RBFOX1: variants seen among roughly 807,000 people sequenced by gnomAD.
The protein encoded by RBFOX1 is RNA binding protein fox-1 homolog 1.
In RBFOX1, 8 loss-of-function variants were observed where a neutral mutation model predicts 57.7. The ratio of observed to expected loss-of-function variants is 0.14; its 90% CI spans 0.08 to 0.25. RBFOX1 has a LOEUF of 0.25. Among genes scored for constraint, RBFOX1 ranks in the 10% least tolerant of loss-of-function variants. The pLI, the probability that RBFOX1 is intolerant of heterozygous loss-of-function variation, is 1.00. For synonymous variants in RBFOX1, 326 were observed against 222.4 expected, an observed-to-expected ratio of 1.47 and a Z score of -4.15; for missense variants, 611 against 548.5, an observed-to-expected ratio of 1.11 and a Z score of -1.14.
At chr16:5,858,331 C>A (rs2057123287) in intron 3 of RBFOX1, among the ~76,000 whole-genome samples, 1 of 152,156 alleles carries the variant, frequency 6.6e-6, no homozygotes, top group East Asian at 1.9e-4. Context: ...TTGCAATCTC[C>A]CCGTGTTTTC....
chr16:6,581,122 G>A (rs2097531525), intron 2 of RBFOX1, among the ~76,000 whole-genome samples: 1 of 151,932 alleles, frequency 6.6e-6, no homozygotes, highest in Non-Finnish European at 1.5e-5. Flanking sequence ...TACTCTAAGT[G>A]CCAGGTAGGT....
chr16:6,325,233 C>T (rs1167416887), intron 2 of RBFOX1, among the ~76,000 whole-genome samples: 2 of 152,058 alleles, frequency 1.3e-5, no homozygotes, highest in African/African-American at 4.8e-5. Context: ...GTGGTGTGCA[C>T]CTATGGTCCT....
chr16:6,489,081 C>T (rs1188426672), intron 2 of RBFOX1, among the ~76,000 whole-genome samples: 1 of 152,114 alleles, frequency 6.6e-6, no homozygotes, highest in Non-Finnish European at 1.5e-5. Flanking sequence ...ATAAATATGG[C>T]ATGGGTCGTT....
At chr16:7,005,391 T>TC (rs2093208974) in intron 3 of RBFOX1, among the ~76,000 whole-genome samples, 1 of 151,978 alleles carries the variant, frequency 6.6e-6, no homozygotes, top group Admixed American at 6.6e-5. Flanking sequence ...CAAGGAAACA[T>TC]CCCAATACAG....
At chr16:5,302,887 A>C (rs971993676) in intron 1 of RBFOX1, among the ~76,000 whole-genome samples, 2 of 152,240 alleles carry the variant, frequency 1.3e-5, no homozygotes, top group Non-Finnish European at 2.9e-5. Flanking sequence ...TTAATTTGTC[A>C]ATCTGTGCTT....
chr16:6,566,162 C>G (rs2097262982), intron 2 of RBFOX1, among the ~76,000 whole-genome samples: 1 of 152,134 alleles, frequency 6.6e-6, no homozygotes, highest in African/African-American at 2.4e-5. Context: ...TGCCTAAGTC[C>G]AAGTAGGCAA....
intron 3 of RBFOX1, among the ~76,000 whole-genome samples, chr16:6,914,117 C>G (rs992750345): frequency 1.3e-5 from 2 of 152,120 alleles, no homozygotes; most frequent in Admixed American, 1.3e-4. Context: ...GGAATGATAC[C>G]TCTGCATGCT....
At chr16:6,120,947 T>G (rs943671799) in intron 1 of RBFOX1, among the ~76,000 whole-genome samples, 1 of 152,232 alleles carries the variant, frequency 6.6e-6, no homozygotes, top group Non-Finnish European at 1.5e-5. Context: ...TGAAACAGCT[T>G]GTTCTTCCTG....
At chr16:7,567,471 ATCCC>A (rs2092093671) in intron 5 of RBFOX1, among the ~76,000 whole-genome samples, 2 of 54,506 alleles carry the variant, frequency 3.7e-5, no homozygotes, top group African/African-American at 7.1e-5. Context: ...CTATATATAT[ATCCC>A]TATGTATGGC....
At chr16:7,172,593 A>C (rs2178714) in intron 4 of RBFOX1, among the ~76,000 whole-genome samples, 105,620 of 151,862 alleles carry the variant, frequency 0.7, 37,880 homozygotes, top group Non-Finnish European at 0.79. Flanking sequence ...TTTCCTTCAT[A>C]TTGGAGAAAA....
chr16:5,245,637 G>T (rs936512210), intron 1 of RBFOX1, among the ~76,000 whole-genome samples: 3 of 152,092 alleles, frequency 2.0e-5, no homozygotes, highest in Non-Finnish European at 4.4e-5. Context: ...GATGAGGTTT[G>T]GCCAGGCTAG....
intron 1 of RBFOX1, among the ~76,000 whole-genome samples, chr16:5,409,833 AGGTCAGGAGTTCGAGACCAGCTT>A (rs2066967396): frequency 1.3e-5 from 2 of 151,910 alleles, no homozygotes; most frequent in South Asian, 4.2e-4. Flanking sequence ...GCAGATCATG[AGGTCAGGAGTTCGAGACCAGCTT>A]GGCCAACATG....
intron 2 of RBFOX1, among the ~76,000 whole-genome samples, chr16:5,536,296 A>G (rs2044695643): frequency 7.5e-6 from 1 of 132,480 alleles, no homozygotes; most frequent in Admixed American, 8.8e-5. Context: ...GTGCAGTGGC[A>G]TGATCTTGAC....
At chr16:6,736,585 G>A (rs576822507) in intron 3 of RBFOX1, among the ~76,000 whole-genome samples, 7 of 152,242 alleles carry the variant, frequency 4.6e-5, no homozygotes, top group African/African-American at 9.6e-5. Context: ...TTGGTTCCAC[G>A]ATTTTGCAGT....
chr16:5,298,925 G>A (rs2063741082), intron 1 of RBFOX1, among the ~76,000 whole-genome samples: 1 of 112,724 alleles, frequency 8.9e-6, no homozygotes, highest in African/African-American at 3.5e-5. Flanking sequence ...GGACTTGTGT[G>A]TTCTATGTGA....
At chr16:7,364,001 A>T (rs1279723286) in intron 4 of RBFOX1, among the ~76,000 whole-genome samples, 1 of 152,190 alleles carries the variant, frequency 6.6e-6, no homozygotes, top group Non-Finnish European at 1.5e-5. Flanking sequence ...GAACAGGAAG[A>T]CAGCAAGATC....
intron 2 of RBFOX1, among the ~76,000 whole-genome samples, chr16:6,620,773 A>T (rs1286175518): frequency 6.6e-6 from 1 of 152,160 alleles, no homozygotes; most frequent in East Asian, 1.9e-4. Context: ...AAATTCCTGG[A>T]CGCATAGATC....
intron 4 of RBFOX1, chr16:7,328,877 A>G (rs13333279): frequency 4.1e-4 from 62 of 152,298 alleles, no homozygotes; most frequent in African/African-American, 1.5e-3. Flanking sequence ...TTAGCAAACC[A>G]TGGGCTGTGA....
At chr16:5,596,829 A>G (rs2047198497) in intron 2 of RBFOX1, among the ~76,000 whole-genome samples, 1 of 152,106 alleles carries the variant, frequency 6.6e-6, no homozygotes, top group Non-Finnish European at 1.5e-5. Flanking sequence ...TTCTCTCCCC[A>G]TTCAGGCTAC....
Sources: gnomAD v4.1 joint callset for allele counts (sites outside exome capture counted in the v4.1 genomes callset) on GRCh38, gnomAD v4.1.1 for gene constraint, MANE v1.5 for transcripts, NCBI Gene and HGNC (gene_info 2026-07-23, HGNC 2026-07-21) for gene names.